TAFA2: variants seen among roughly 807,000 people sequenced by gnomAD.
The protein encoded by TAFA2 is TAFA chemokine like family member 2.
In TAFA2, 7 loss-of-function variants were observed where a neutral mutation model predicts 18.8. The ratio of observed to expected loss-of-function variants is 0.37; its 90% CI spans 0.21 to 0.70. The LOEUF is 0.70. Ranked by LOEUF, TAFA2 falls within the 30% of genes least tolerant of loss-of-function variation. The pLI, the probability that TAFA2 is intolerant of heterozygous loss-of-function variation, is 0.53. For synonymous variants in TAFA2, 60 were observed against 54.2 expected (o/e 1.11, Z -0.47); for missense variants, 122 against 158.1 (o/e 0.77, Z 1.23).
At chr12:61,938,114 C>T (rs774153950) in intron 1 of TAFA2, among the ~76,000 whole-genome samples, 5 of 151,432 alleles carry the variant, frequency 3.3e-5, no homozygotes, top group Non-Finnish European at 7.4e-5. Context: ...ACCACCTTAC[C>T]CTGTATGAAT....
intron 4 of TAFA2, among the ~76,000 whole-genome samples, chr12:61,720,097 C>G (rs972119239): frequency 1.3e-5 from 2 of 151,718 alleles, no homozygotes; most frequent in Non-Finnish European, 2.9e-5. Context: ...CTGATAACAA[C>G]CATCATAGTT....
intron 1 of TAFA2, among the ~76,000 whole-genome samples, chr12:62,098,315 T>A (rs1592333746): frequency 1.3e-5 from 2 of 152,128 alleles, no homozygotes; most frequent in Admixed American, 1.3e-4. Context: ...AGCTTTCTCA[T>A]CATCTCAACA....
At chr12:61,721,657 T>G (rs182830234) in intron 4 of TAFA2, among the ~76,000 whole-genome samples, 3 of 152,294 alleles carry the variant, frequency 2.0e-5, no homozygotes, top group Admixed American at 2.0e-4. Context: ...TATAGATAGA[T>G]GTTTAAAAGT....
chr12:61,898,250 T>C (rs974818991), intron 1 of TAFA2, among the ~76,000 whole-genome samples: 1 of 152,214 alleles, frequency 6.6e-6, no homozygotes, highest in Non-Finnish European at 1.5e-5. Flanking sequence ...CTTTTCCAGA[T>C]GCATGGTGTG....
chr12:61,822,450 A>T (rs1046063941), intron 2 of TAFA2, among the ~76,000 whole-genome samples: 19 of 152,270 alleles, frequency 1.2e-4, no homozygotes, highest in South Asian at 4.1e-4. Context: ...AAATCACCTA[A>T]ATATTCTGTC....
chr12:62,225,016 C>A (rs1205404707), intron 1 of TAFA2, among the ~76,000 whole-genome samples: 1 of 152,020 alleles, frequency 6.6e-6, no homozygotes, highest in South Asian at 2.1e-4. Flanking sequence ...ATCACTTGAA[C>A]CCAGGAGGCG....
rs115805597 is a variant in TAFA2, at chr12:61,744,076, G to A, written c.384+9546C>T. 3.3e-3 allele frequency among the ~76,000 whole-genome samples: 501 copies of A among 152,088 alleles called. 4 individuals carry two copies. The highest frequency in any genetic ancestry group is 0.011 in the African/African-American group (468 of 41,502). ...TGCTTACCTTTAAACAAATATCAAG[G>A]TCTTAAACATTAGATATAAAGCCCT... On this transcript the variant is annotated intron_variant, in intron 4 of 4. Transcript: ENST00000416284.
At chr12:62,193,833 A>G (rs981701868), upstream of TAFA2, among the ~76,000 whole-genome samples, 13 of 152,214 alleles carry the variant, frequency 8.5e-5, no homozygotes, top group Admixed American at 8.5e-4. Flanking sequence ...TTCACTCTGA[A>G]TTTCTGGAGC....
chr12:62,196,216 C>T (rs1437533345), upstream of TAFA2, among the ~76,000 whole-genome samples: 2 of 152,196 alleles, frequency 1.3e-5, no homozygotes, highest in African/African-American at 4.8e-5. Flanking sequence ...GGATTAGACC[C>T]TGGCTAAAAG....
chr12:61,849,482 C>T (rs1209265697), intron 2 of TAFA2, among the ~76,000 whole-genome samples: 1 of 152,166 alleles, frequency 6.6e-6, no homozygotes, highest in Non-Finnish European at 1.5e-5. Flanking sequence ...TAGTATCTTG[C>T]TTATTTATTT....
At chr12:62,133,887 G>T (rs185970870) in intron 1 of TAFA2, among the ~76,000 whole-genome samples, 121 of 152,078 alleles carry the variant, frequency 8.0e-4, no homozygotes, top group African/African-American at 2.7e-3. Context: ...GATAACCCTA[G>T]GCAAATAGCT....
chr12:61,885,805 G>C (rs1045542818), intron 1 of TAFA2, among the ~76,000 whole-genome samples: 2 of 152,156 alleles, frequency 1.3e-5, no homozygotes, highest in African/African-American at 4.8e-5. Context: ...GTGAGTGTCG[G>C]TGTTACATCA....
intron 1 of TAFA2, among the ~76,000 whole-genome samples, chr12:62,127,660 G>C (rs1020908746): frequency 1.3e-5 from 2 of 151,924 alleles, no homozygotes; most frequent in East Asian, 3.9e-4. Context: ...TTAAACACAA[G>C]GGCTTGAGCA....
At chr12:61,823,448 C>T (rs561720660) in intron 2 of TAFA2, among the ~76,000 whole-genome samples, 2 of 152,162 alleles carry the variant, frequency 1.3e-5, no homozygotes, top group African/African-American at 2.4e-5. Context: ...GAATAAATTA[C>T]AGGCACCCAT....
intron 1 of TAFA2, among the ~76,000 whole-genome samples, chr12:62,144,397 G>A (rs1018821298): frequency 6.6e-6 from 1 of 151,948 alleles, no homozygotes; most frequent in Non-Finnish European, 1.5e-5. Context: ...TCGCAGGAGA[G>A]CTCAAAAAAG....
intron 1 of TAFA2, among the ~76,000 whole-genome samples, chr12:62,029,670 C>T (rs1213970544): frequency 1.3e-5 from 2 of 151,800 alleles, no homozygotes; most frequent in Admixed American, 1.3e-4. Flanking sequence ...TGCAATCACC[C>T]TGTACTTCTA....
At chr12:61,789,591 G>C (rs1025936713) in intron 2 of TAFA2, among the ~76,000 whole-genome samples, 3 of 151,784 alleles carry the variant, frequency 2.0e-5, no homozygotes, top group Non-Finnish European at 2.9e-5. Context: ...ACCTAATGTA[G>C]ATAATGGGTT....
chr12:62,259,015 G>A, upstream of TAFA2: 1 of 175,634 alleles, frequency 5.7e-6, no homozygotes. Flanking sequence ...GCAGAAATAA[G>A]CAATCATAAT....
intron 2 of TAFA2, among the ~76,000 whole-genome samples, chr12:61,808,142 G>A (rs112332448): frequency 0.019 from 2,809 of 151,632 alleles, 222 homozygotes; most frequent in African/African-American, 0.064. Flanking sequence ...CGTTGTGGGA[G>A]GGACCCAGTG....
Sources: gnomAD v4.1 joint callset for allele counts (sites outside exome capture counted in the v4.1 genomes callset) on GRCh38, gnomAD v4.1.1 for gene constraint, MANE v1.5 for transcripts, NCBI Gene and HGNC (gene_info 2026-07-23, HGNC 2026-07-21) for gene names.